The following USP44 variants were observed in gnomAD, a reference collection of about 807,000 sequenced individuals.
USP44 encodes the protein ubiquitin specific peptidase 44, also known as ubiquitin carboxyl-terminal hydrolase 44.
A neutral mutation model predicts 69.0 loss-of-function variants in USP44; 61 were observed. The observed-to-expected ratio is 0.88, with a 90% CI of 0.72 to 1.09. The LOEUF (loss-of-function observed/expected upper bound fraction) is 1.09, where lower values mean the gene tolerates loss of function less well. USP44 is among the 50% of genes least tolerant of loss of function. The probability of loss-of-function intolerance (pLI) is 0.00; values close to 1 mark genes in which losing one functional copy is unlikely to be tolerated. For synonymous variants in USP44, 297 were observed against 295.4 expected (o/e 1.01, Z -0.06); for missense variants, 753 against 849.9 (o/e 0.89, Z 1.42).
chr12:95,519,521 G>A (rs1489024428), intron 5 of USP44, among the ~76,000 whole-genome samples: 1 of 138,320 alleles, frequency 7.2e-6, no homozygotes, highest in Non-Finnish European at 1.5e-5. Flanking sequence ...CTCACTGCAA[G>A]CTCCGCCTCC....
At chr12:95,519,607 ATTTT>A (rs539831220) in intron 5 of USP44, among the ~76,000 whole-genome samples, 1 of 145,092 alleles carries the variant, frequency 6.9e-6, no homozygotes, top group African/African-American at 2.5e-5. Flanking sequence ...CGCCCGGCTA[ATTTT>A]TTTTTTTTAT....
chr12:95,528,118 C>G (rs538169663), intron 3 of USP44, among the ~76,000 whole-genome samples: 1 of 152,310 alleles, frequency 6.6e-6, no homozygotes, highest in Middle Eastern at 3.4e-3. Context: ...GGATTACAGG[C>G]GTGAGCCACT....
At chr12:95,520,247 C>T in intron 5 of USP44, among the ~76,000 whole-genome samples, 1 of 151,818 alleles carries the variant, frequency 6.6e-6, no homozygotes, top group East Asian at 1.9e-4. Flanking sequence ...AATCCCACCA[C>T]TTTGGGAGGC....
At chr12:95,537,458 A>G (rs2077244541) in intron 1 of USP44, among the ~76,000 whole-genome samples, 1 of 152,040 alleles carries the variant, frequency 6.6e-6, no homozygotes, top group Non-Finnish European at 1.5e-5. Context: ...AGCTGGGATT[A>G]CAGGCACACG....
At chr12:95,549,017 A>G (rs1356921455) in intron 1 of USP44, among the ~76,000 whole-genome samples, 2 of 152,116 alleles carry the variant, frequency 1.3e-5, no homozygotes, top group Non-Finnish European at 2.9e-5. Context: ...GTCTGCGCGA[A>G]CAACAAGCAC....
Position 95,517,424 on chromosome 12 carries a change from CTTAA to C in USP44, c.*726_*729del, listed in dbSNP as rs2076508263. 1 of 152,118 alleles carries C rather than the reference CTTAA, an allele frequency of 6.6e-6. No individual in the cohort carries two copies. The highest frequency in any genetic ancestry group is 2.4e-5 in the African/African-American group (1 of 41,420). 9.4% of individuals were successfully genotyped at this position (152,118 alleles called of 1,614,324 possible). On this transcript the variant is annotated 3_prime_UTR_variant, in exon 6 of 6. Coordinates refer to ENST00000258499, the MANE Select transcript of USP44 (RefSeq NM_032147.5). ...ACTAAATTCAGACTTTTTATGACTG[CTTAA>C]TTATTAGACTTCTGGACAAACCTGT... is the stretch of plus-strand genomic sequence containing the variant.
chr12:95,527,963 C>T (rs963915663), intron 3 of USP44, among the ~76,000 whole-genome samples: 3 of 151,726 alleles, frequency 2.0e-5, no homozygotes, highest in African/African-American at 4.8e-5. Flanking sequence ...CTCAGCCTCC[C>T]GAGTAGCTGG....
chr12:95,534,389 G>C, intron 1 of USP44, 63 bp from the exon 2 acceptor site: 1 of 875,912 alleles, frequency 1.1e-6, no homozygotes, highest in South Asian at 1.9e-5. Flanking sequence ...TTTTTCCCAA[G>C]AATAATAAAG....
chr12:95,544,259 G>T (rs1458516047), intron 1 of USP44, among the ~76,000 whole-genome samples: 4 of 151,662 alleles, frequency 2.6e-5, no homozygotes, highest in Non-Finnish European at 4.4e-5. Context: ...GTTTCACTGT[G>T]TTAGCCAGGA....
intron 1 of USP44, among the ~76,000 whole-genome samples, chr12:95,545,486 G>A (rs1391335031): frequency 1.3e-5 from 2 of 152,150 alleles, no homozygotes; most frequent in Non-Finnish European, 2.9e-5. Flanking sequence ...ATTTCGGTAG[G>A]AAGTAGGCCT....
At chr12:95,529,274 G>A (rs2076945940) in intron 2 of USP44, among the ~76,000 whole-genome samples, 1 of 152,000 alleles carries the variant, frequency 6.6e-6, no homozygotes, top group East Asian at 1.9e-4. Flanking sequence ...AATCCAAACT[G>A]TGGACACACT....
chr12:95,530,034 C>T (rs2076970379), intron 2 of USP44, among the ~76,000 whole-genome samples: 1 of 152,198 alleles, frequency 6.6e-6, no homozygotes, highest in South Asian at 2.1e-4. Flanking sequence ...GTGAAACATT[C>T]AGCAGGATTT....
rs1032078784 is a variant in USP44 at position 95,538,613 on chromosome 12, C to T, written c.-70-4287G>A. On this transcript the variant is annotated intron_variant, in intron 1 of 5. Transcript: ENST00000258499. ...AAACCAGAATAGTGGAATGACGGATCACGAGATTAATATTTTAGCTCAGGG... is the reference window on the plus strand; with the variant it reads ...AAACCAGAATAGTGGAATGACGGATTACGAGATTAATATTTTAGCTCAGGG... Among the ~76,000 whole-genome samples the T allele has an allele frequency of 3.3e-5, 5 of 152,030 alleles. No individual in the cohort carries two copies. The East Asian group carries it at 9.6e-4, about 29-fold the overall frequency.
intron 1 of USP44, among the ~76,000 whole-genome samples, chr12:95,544,542 G>A (rs908870225): frequency 2.6e-5 from 4 of 152,028 alleles, no homozygotes; most frequent in East Asian, 1.9e-4. Flanking sequence ...TCTAATTGGC[G>A]TAATCAGTAG....
intron 4 of USP44, among the ~76,000 whole-genome samples, chr12:95,523,172 G>A (rs1022431920): frequency 2.6e-5 from 4 of 152,248 alleles, no homozygotes; most frequent in Middle Eastern, 3.4e-3. Flanking sequence ...ACTCTCCTTT[G>A]TAATAAATGG....
At chr12:95,530,138 A>G (rs2076973070) in intron 2 of USP44, among the ~76,000 whole-genome samples, 1 of 152,242 alleles carries the variant, frequency 6.6e-6, no homozygotes, top group South Asian at 2.1e-4. Flanking sequence ...TCTTTCATAC[A>G]AGCTATAGTC....
intron 1 of USP44, among the ~76,000 whole-genome samples, chr12:95,539,892 T>G (rs1164582432): frequency 6.6e-6 from 1 of 152,144 alleles, no homozygotes; most frequent in Non-Finnish European, 1.5e-5. Context: ...AACTCCAAAA[T>G]CAAATATCAC....
chr12:95,527,463 A>G (rs1394387703), intron 3 of USP44, among the ~76,000 whole-genome samples: 1 of 152,054 alleles, frequency 6.6e-6, no homozygotes, highest in Admixed American at 6.6e-5. Context: ...ACATCAACAG[A>G]GGAAATAAAG....
At chr12:95,527,450 T>C (rs1368999225) in intron 3 of USP44, among the ~76,000 whole-genome samples, 3 of 152,164 alleles carry the variant, frequency 2.0e-5, no homozygotes, top group Admixed American at 6.5e-5. Flanking sequence ...CCACTACATA[T>C]ACACATCAAC....
Sources: allele counts gnomAD v4.1 joint callset (sites outside exome capture counted in the v4.1 genomes callset), GRCh38; gene constraint gnomAD v4.1.1; transcripts MANE v1.5; gene names NCBI Gene and HGNC (gene_info 2026-07-23, HGNC 2026-07-21).